The following CPA6 variants were observed in gnomAD, a reference collection of about 807,000 sequenced individuals.
The protein encoded by CPA6 is carboxypeptidase A6.
A neutral mutation model predicts 63.3 loss-of-function variants in CPA6; 58 were observed. That is an observed-to-expected ratio of 0.92 (90% CI 0.74 to 1.14). The LOEUF is 1.14. CPA6 is among the 50% of genes most tolerant of loss of function. The probability of loss-of-function intolerance (pLI) is 0.00; values close to 1 mark genes in which losing one functional copy is unlikely to be tolerated. For missense variants in CPA6, 565 were observed against 526.6 expected, an observed-to-expected ratio of 1.07 and a Z score of -0.71; for synonymous variants, 185 against 179.0, an observed-to-expected ratio of 1.03 and a Z score of -0.27.
chr8:67,586,830 G>A (rs896579959), intron 2 of CPA6, among the ~76,000 whole-genome samples: 17 of 152,194 alleles, frequency 1.1e-4, no homozygotes, highest in Admixed American at 6.5e-5. Flanking sequence ...TTATCATTGA[G>A]TTGGTTAAAA....
intron 2 of CPA6, among the ~76,000 whole-genome samples, chr8:67,582,048 G>A (rs1214854987): frequency 6.6e-6 from 1 of 152,124 alleles, no homozygotes; most frequent in Admixed American, 6.6e-5. Context: ...CTTTGGTTGT[G>A]TAGTGGGGTG....
At chr8:67,466,585 G>A (rs1587457237) in intron 8 of CPA6, among the ~76,000 whole-genome samples, 2 of 152,178 alleles carry the variant, frequency 1.3e-5, no homozygotes, top group South Asian at 4.1e-4. Flanking sequence ...ACTTTTTAAG[G>A]TAGGCATTTA....
chr8:67,640,602 G>A (rs1185645386), intron 1 of CPA6, among the ~76,000 whole-genome samples: 4 of 151,304 alleles, frequency 2.6e-5, no homozygotes, highest in Non-Finnish European at 4.4e-5. Flanking sequence ...GGAGGGTAGG[G>A]GTCCTGCCTG....
chr8:67,730,452 C>T (rs1817685118), intron 1 of CPA6, among the ~76,000 whole-genome samples: 1 of 152,104 alleles, frequency 6.6e-6, no homozygotes, highest in Non-Finnish European at 1.5e-5. Flanking sequence ...GAATCCTGTC[C>T]TTTTTGGGTT....
chr8:67,478,923 AG>A (rs1461913551), intron 8 of CPA6, among the ~76,000 whole-genome samples: 1 of 152,176 alleles, frequency 6.6e-6, no homozygotes, highest in Non-Finnish European at 1.5e-5. Context: ...TGGGAGGCTG[AG>A]GCAGGACAAT....
intron 3 of CPA6, among the ~76,000 whole-genome samples, chr8:67,512,626 G>C (rs1812064277): frequency 6.6e-6 from 1 of 152,124 alleles, no homozygotes; most frequent in Non-Finnish European, 1.5e-5. Context: ...CCACTAACTA[G>C]AGTTTCACAC....
At chr8:67,610,009 G>A (rs954555947) in intron 2 of CPA6, among the ~76,000 whole-genome samples, 4 of 150,126 alleles carry the variant, frequency 2.7e-5, no homozygotes, top group South Asian at 2.2e-4. Context: ...GTGACAGAGC[G>A]AGACTCCGTC....
intron 6 of CPA6, among the ~76,000 whole-genome samples, chr8:67,498,942 T>A (rs931622059): frequency 6.6e-6 from 1 of 152,218 alleles, no homozygotes; most frequent in Non-Finnish European, 1.5e-5. Flanking sequence ...CTTAAAAGAC[T>A]AAAACCCATA....
At chr8:67,621,100 G>C (rs72657254) in intron 2 of CPA6, among the ~76,000 whole-genome samples, 1 of 152,100 alleles carries the variant, frequency 6.6e-6, no homozygotes, top group Non-Finnish European at 1.5e-5. Context: ...GAATTTCCCT[G>C]GTAGACAACA....
chr8:67,704,844 C>T (rs1033181936), intron 1 of CPA6, among the ~76,000 whole-genome samples: 1 of 152,110 alleles, frequency 6.6e-6, no homozygotes, highest in Non-Finnish European at 1.5e-5. Context: ...GATGGGTAAT[C>T]GTGTCTCCCT....
chr8:67,716,303 T>A (rs1024572155), intron 1 of CPA6, among the ~76,000 whole-genome samples: 2 of 151,774 alleles, frequency 1.3e-5, no homozygotes, highest in African/African-American at 4.8e-5. Flanking sequence ...AGTCACAGAA[T>A]GAGATAGGTC....
intron 1 of CPA6, among the ~76,000 whole-genome samples, chr8:67,653,186 C>A (rs1325108883): frequency 7.3e-5 from 11 of 151,030 alleles, no homozygotes; most frequent in Non-Finnish European, 1.6e-4. Flanking sequence ...ATGCCTCCAG[C>A]TTTGTTCTTT....
At chr8:67,644,037 T>C (rs1815655306) in intron 1 of CPA6, among the ~76,000 whole-genome samples, 2 of 151,956 alleles carry the variant, frequency 1.3e-5, no homozygotes, top group Admixed American at 6.5e-5. Flanking sequence ...CCACTCTTCA[T>C]ATCACAATGC....
intron 1 of CPA6, among the ~76,000 whole-genome samples, chr8:67,731,693 G>A (rs148620360): frequency 3.0e-4 from 46 of 152,320 alleles, no homozygotes; most frequent in African/African-American, 9.9e-4. Flanking sequence ...GAATTTGTAT[G>A]GGCATCTGAG....
At chr8:67,531,546 A>G (rs1248633262) in intron 2 of CPA6, among the ~76,000 whole-genome samples, 1 of 152,202 alleles carries the variant, frequency 6.6e-6, no homozygotes, top group African/African-American at 2.4e-5. Flanking sequence ...ATATATGAAT[A>G]TAAATGTATA....
chr8:67,657,039 C>T (rs912618327), intron 1 of CPA6, among the ~76,000 whole-genome samples: 3 of 152,202 alleles, frequency 2.0e-5, no homozygotes, highest in Non-Finnish European at 2.9e-5. Context: ...TACCCTTAAT[C>T]TCTCAATTTA....
At chr8:67,568,914 C>A (rs916051990) in intron 2 of CPA6, among the ~76,000 whole-genome samples, 46 of 152,240 alleles carry the variant, frequency 3.0e-4, no homozygotes, top group African/African-American at 1.1e-3. Flanking sequence ...CCATGCCCAG[C>A]TAATTTTTGT....
At chr8:67,683,586 T>C (rs1816644516) in intron 1 of CPA6, among the ~76,000 whole-genome samples, 1 of 152,184 alleles carries the variant, frequency 6.6e-6, no homozygotes. Context: ...TTAGTTCAGA[T>C]AAGCTGAACT....
chr8:67,495,335 C>T (rs1240983350), intron 6 of CPA6, among the ~76,000 whole-genome samples: 1 of 152,122 alleles, frequency 6.6e-6, no homozygotes, highest in Non-Finnish European at 1.5e-5. Context: ...TGTCTCTTCT[C>T]CCAAGTAGAA....
Sources: allele counts gnomAD v4.1 joint callset (sites outside exome capture counted in the v4.1 genomes callset), GRCh38; gene constraint gnomAD v4.1.1; transcripts MANE v1.5; gene names NCBI Gene and HGNC (gene_info 2026-07-23, HGNC 2026-07-21).